The following SRP68 variants were observed in gnomAD, a reference collection of about 807,000 sequenced individuals.
SRP68 encodes signal recognition particle 68.
A neutral mutation model predicts 82.2 loss-of-function variants in SRP68; 15 were observed. The observed-to-expected ratio is 0.18, with a 90% CI of 0.12 to 0.28. The LOEUF is 0.28. Among genes scored for constraint, SRP68 ranks in the 10% least tolerant of loss-of-function variants. The pLI, the probability that SRP68 is intolerant of heterozygous loss-of-function variation, is 1.00. For missense variants in SRP68, 595 were observed against 780.5 expected, an observed-to-expected ratio of 0.76 and a Z score of 2.83; for synonymous variants, 261 against 292.6, an observed-to-expected ratio of 0.89 and a Z score of 1.10.
Position 76,072,428 on chromosome 17 carries a change from T to A in SRP68, c.64A>T (p.Ser22Cys), listed in dbSNP as rs377012082. Residue 22 changes from serine (S) to cysteine (C), a missense_variant, in exon 1 of 16, where the codon AGT (serine) becomes TGT (cysteine). By Grantham distance (112) the Ser-to-Cys change is moderately radical. Coordinates refer to ENST00000307877, the MANE Select transcript of SRP68 (RefSeq NM_014230.4). The surrounding 1 kb of genome is among the most constrained non-coding windows in gnomAD (Gnocchi z 4.5). ...CCACCGCCGCTACCGCCGCCGCCAC[T>A]GCCACCGCCGCCGCCACTGCCGCCG... The part of the protein sequence containing the change: ...GGGGSGGGGG[S>C]GGGGSGGGRG... 1.3e-6 allele frequency: 2 copies of A among 1,585,616 alleles called. No individual in the cohort carries two copies. Among genetic ancestry groups the A allele is most frequent in the African/African-American group, 1.4e-5 (1 of 73,808 alleles).
At chr17:76,068,673 A>G (rs1334237849) in intron 2 of SRP68, among the ~76,000 whole-genome samples, 1 of 152,204 alleles carries the variant, frequency 6.6e-6, no homozygotes, top group African/African-American at 2.4e-5. Flanking sequence ...CTCTATGCTC[A>G]TGTAGCTCTT....
At chr17:76,063,353 C>T (rs1416676135) in intron 4 of SRP68, among the ~76,000 whole-genome samples, 2 of 152,106 alleles carry the variant, frequency 1.3e-5, no homozygotes, top group Non-Finnish European at 1.5e-5. Flanking sequence ...AGATTGTAAG[C>T]TTTCATCTAT....
chr17:76,072,428 TGCCACCGCCGCC>T lies in SRP68; in HGVS notation c.52_63del (p.Gly18_Gly21del), dbSNP rs749129983. 4.4e-6 allele frequency: 7 copies of T among 1,585,624 alleles called. No individual in the cohort carries two copies. In the East Asian group the frequency reaches 1.1e-4, roughly 25 times the overall value. ...CCACCGCCGCTACCGCCGCCGCCAC[TGCCACCGCCGCC>T]GCCACTGCCGCCGCCGCCGCCGCCG... On this transcript the variant is annotated inframe_deletion, in exon 1 of 16. Transcript: ENST00000307877. The surrounding 1 kb of genome is among the most constrained non-coding windows in gnomAD (Gnocchi z 4.5).
chr17:76,047,843 T>C, intron 10 of SRP68, 63 bp downstream of exon 10: 3 of 851,242 alleles, frequency 3.5e-6, no homozygotes, highest in South Asian at 5.3e-5. Flanking sequence ...AAATATTACA[T>C]ATACTCTTTT....
At position 76,039,207 on chromosome 17, in the gene SRP68, C is replaced by G. The variant is rs977666939; in HGVS notation, c.*499G>C. The stretch of plus-strand genomic sequence containing the variant: ...TCTCTGCTTGTCTGAAACTTCTTAG[C>G]GTTCACTGGGAGGTGAAGGGGAATA... On this transcript the variant is annotated 3_prime_UTR_variant, in exon 16 of 16. Coordinates refer to ENST00000307877, the MANE Select transcript of SRP68 (RefSeq NM_014230.4). The G allele has an allele frequency of 5.5e-6, 2 of 362,334 alleles. No individual in the cohort carries two copies. Among genetic ancestry groups the G allele is most frequent in the African/African-American group, 4.2e-5 (2 of 47,246 alleles). 22.4% of individuals were successfully genotyped at this position (362,334 alleles called of 1,614,324 possible).
rs1168111688 is a variant in SRP68 at position 76,060,125 on chromosome 17, CAAAAAAAAAAAAA to C, written c.837+170_837+182del. ...TGGGTGACAGAGCGAGACTCCATCT[CAAAAAAAAAAAAA>C]AAAAAAAAAAAAGAAAAAGTTTTTT... is the stretch of plus-strand genomic sequence containing the variant. On this transcript the variant is annotated intron_variant, in intron 7 of 15. Coordinates refer to ENST00000307877, the MANE Select transcript of SRP68 (RefSeq NM_014230.4). Among the ~76,000 whole-genome samples, 6 of 28,792 alleles carry C rather than the reference CAAAAAAAAAAAAA, an allele frequency of 2.1e-4. No homozygotes were observed. In the South Asian group the frequency reaches 0.015, roughly 71 times the overall value. 18.9% of individuals were successfully genotyped at this position (28,792 alleles called of 152,430 possible). A position where few individuals can be genotyped will look rare whatever the true frequency, so the allele number is the denominator to read the frequency against.
At chr17:76,056,521 T>C (rs904047221) in intron 8 of SRP68, among the ~76,000 whole-genome samples, 9 of 152,238 alleles carry the variant, frequency 5.9e-5, no homozygotes, top group Non-Finnish European at 1.0e-4. Flanking sequence ...AAAAGGGATA[T>C]GAGACAGGCA....
chr17:76,047,841 C>A, intron 10 of SRP68, 65 bp downstream of exon 10: 2 of 813,710 alleles, frequency 2.5e-6, no homozygotes, highest in Non-Finnish European at 3.5e-6. Flanking sequence ...ATAAATATTA[C>A]ATATACTCTT....
chr17:76,067,909 G>C (rs1239801405), intron 2 of SRP68, among the ~76,000 whole-genome samples: 1 of 152,196 alleles, frequency 6.6e-6, no homozygotes, highest in Admixed American at 6.5e-5. Context: ...TGGCAACCAA[G>C]AAAACAAGGC....
Position 76,046,626 on chromosome 17 carries a change from A to AAAC in SRP68, c.1143-435_1143-433dup, listed in dbSNP as rs544909514. On this transcript the variant is annotated intron_variant, in intron 10 of 15. Coordinates refer to ENST00000307877, the MANE Select transcript of SRP68 (RefSeq NM_014230.4). ...GCAAAACCTTGACTCTAAAAATTGA[A>AAAC]AACAACAACAACAACAAAACAAAAA... Among the ~76,000 whole-genome samples the AAAC allele has an allele frequency of 3.6e-4, 54 of 151,288 alleles. No homozygotes were observed. The South Asian group carries it at 0.011, about 31-fold the overall frequency.
intron 12 of SRP68, chr17:76,045,078 G>A (rs570071776): frequency 1.2e-4 from 58 of 483,302 alleles, no homozygotes; most frequent in African/African-American, 1.0e-3. Context: ...CCACTCCTCC[G>A]ACCTGGCCAA....
chr17:76,047,864 T>G (rs2066643066), intron 10 of SRP68, 42 bp downstream of exon 10: 1 of 1,063,100 alleles, frequency 9.4e-7, no homozygotes, highest in Admixed American at 2.6e-5. Flanking sequence ...GTTCAAATAT[T>G]TTAATAATAT....
At position 76,062,566 on chromosome 17, in the gene SRP68, T is replaced by A. The variant is rs57638586; in HGVS notation, c.562-992A>T. Among the ~76,000 whole-genome samples, 178 of 40,660 alleles carry A rather than the reference T, an allele frequency of 4.4e-3. 1 individual carries two copies. The highest frequency in any genetic ancestry group is 0.018 in the Middle Eastern group (2 of 112). 26.7% of individuals were successfully genotyped at this position (40,660 alleles called of 152,430 possible). ...TATATTATATAATATACATTATATA[T>A]TATATAATATACATTATATAATATA... is the stretch of plus-strand genomic sequence containing the variant. On this transcript the variant is annotated intron_variant, in intron 4 of 15. Coordinates refer to ENST00000307877, the MANE Select transcript of SRP68 (RefSeq NM_014230.4).
In SRP68 at chr17:76,064,140, T is replaced by C. The variant is rs769689934; in HGVS notation, c.397A>G (p.Arg133Gly). 1 of 1,614,228 alleles carries C rather than the reference T, an allele frequency of 6.2e-7. No homozygotes were observed. The highest frequency in any genetic ancestry group is 8.5e-7 in the Non-Finnish European group (1 of 1,180,032). ...AGCTGCATGGCGTAGCTCCAGGCTC[T>C]TTCAGCATCCATCAGAACCAGAAGC... ...YLLLVLMDAE[R>G]AWSYAMQLKQ... Residue 133 changes from arginine to glycine, a missense_variant, in exon 4 of 16, where the codon AGA becomes GGA. Transcript: ENST00000307877.
rs1035212738 is a variant in SRP68, at chr17:76,064,302, C to T, written c.366-131G>A. 4.1e-5 allele frequency: 30 copies of T among 735,080 alleles called. No individual in the cohort carries two copies. In the African/African-American group the frequency reaches 4.4e-4, roughly 11 times the overall value. 45.5% of individuals were successfully genotyped at this position (735,080 alleles called of 1,614,324 possible). A position where few individuals can be genotyped will look rare whatever the true frequency, so the allele number is the denominator to read the frequency against. ...CTTTGCCACTCTCAAAACAACTCTTCTGATATTCTCAGCCATGACTCTAAA... is the reference window on the plus strand; with the variant it reads ...CTTTGCCACTCTCAAAACAACTCTTTTGATATTCTCAGCCATGACTCTAAA... On this transcript the variant is annotated intron_variant, in intron 3 of 15. Transcript: ENST00000307877.
At chr17:76,043,766 C>T in intron 13 of SRP68, 63 bp downstream of exon 13, 10 of 1,506,468 alleles carry the variant, frequency 6.6e-6, no homozygotes, top group Non-Finnish European at 8.8e-6. Context: ...ACCCTCACAG[C>T]TCCTCCACAG....
intron 7 of SRP68, 77 bp downstream of exon 7, chr17:76,060,231 T>C: frequency 4.0e-6 from 3 of 748,994 alleles, no homozygotes; most frequent in East Asian, 6.2e-5. Context: ...TAATATCAAA[T>C]ATCCCTAGGG....
rs922854623 is a variant in SRP68 at position 76,039,270 on chromosome 17, A to G, written c.*436T>C. 2.2e-6 allele frequency: 1 copy of G among 454,074 alleles called. No homozygotes were observed. The highest frequency in any genetic ancestry group is 2.0e-5 in the African/African-American group (1 of 50,050). The allele number at this position is 454,074 out of a possible 1,614,324, so 28.1% of individuals were successfully genotyped here. ...ATTCTGGGGTGACGTTGCCAGTTTC[A>G]TAGTCATAGATAAACTTCTCAAGGG... is the stretch of plus-strand genomic sequence containing the variant. On this transcript the variant is annotated 3_prime_UTR_variant, in exon 16 of 16. Coordinates refer to ENST00000307877, the MANE Select transcript of SRP68 (RefSeq NM_014230.4).
intron 8 of SRP68, among the ~76,000 whole-genome samples, chr17:76,051,962 T>C (rs1263712136): frequency 1.3e-5 from 2 of 152,208 alleles, no homozygotes; most frequent in African/African-American, 2.4e-5. Context: ...GGCTGGAGTA[T>C]AGTGCCGTGA....
Sources: allele counts gnomAD v4.1 joint callset (sites outside exome capture counted in the v4.1 genomes callset), GRCh38; gene constraint gnomAD v4.1.1; non-coding constraint Gnocchi (gnomAD v3.1); transcripts MANE v1.5; gene names NCBI Gene and HGNC (gene_info 2026-07-23, HGNC 2026-07-21).